The following WWOX variants were observed in gnomAD, a reference collection of about 807,000 sequenced individuals.
WWOX encodes WW domain-containing oxidoreductase.
In WWOX, 69 loss-of-function variants were observed where a neutral mutation model predicts 46.2. The observed-to-expected ratio is 1.49, with a 90% CI of 1.23 to 1.82. The LOEUF is 1.82. WWOX is among the 40% of genes most tolerant of loss of function. The pLI, the probability that WWOX is intolerant of heterozygous loss-of-function variation, is 0.00. For synonymous variants in WWOX, 359 were observed against 202.6 expected (o/e 1.77, Z -6.56); for missense variants, 919 against 542.6 (o/e 1.69, Z -6.89).
At chr16:78,925,194 TAAAAC>T (rs1332944253) in intron 8 of WWOX, among the ~76,000 whole-genome samples, 3 of 152,028 alleles carry the variant, frequency 2.0e-5, no homozygotes, top group Non-Finnish European at 4.4e-5. Context: ...AACCCTGACT[TAAAAC>T]AAAAACAAAA....
At chr16:78,747,699 G>A (rs758012125) in intron 8 of WWOX, among the ~76,000 whole-genome samples, 3 of 152,042 alleles carry the variant, frequency 2.0e-5, no homozygotes, top group Non-Finnish European at 4.4e-5. Context: ...TTGTTTCCTC[G>A]ATTACTGTCT....
At chr16:78,692,441 A>T (rs369128220) in intron 8 of WWOX, among the ~76,000 whole-genome samples, 2 of 152,306 alleles carry the variant, frequency 1.3e-5, no homozygotes, top group East Asian at 3.9e-4. Context: ...TTTACAAGGA[A>T]TTACAGAAGA....
chr16:79,122,827 A>G (rs2049666888), intron 8 of WWOX, among the ~76,000 whole-genome samples: 1 of 152,158 alleles, frequency 6.6e-6, no homozygotes, highest in South Asian at 2.1e-4. Context: ...GCTCAATGAA[A>G]TACATCTTCA....
intron 5 of WWOX, among the ~76,000 whole-genome samples, chr16:78,169,850 A>G (rs1475909709): frequency 6.6e-6 from 1 of 152,114 alleles, no homozygotes; most frequent in Non-Finnish European, 1.5e-5. Flanking sequence ...AATGTTCCTC[A>G]TGCCTGCCAG....
chr16:78,751,071 A>C (rs1323653600), intron 8 of WWOX, among the ~76,000 whole-genome samples: 1 of 152,112 alleles, frequency 6.6e-6, no homozygotes, highest in African/African-American at 2.4e-5. Flanking sequence ...TCTCCAATTT[A>C]TTTTTCATAG....
chr16:78,988,025 C>G (rs1294210086), intron 8 of WWOX, among the ~76,000 whole-genome samples: 1 of 151,868 alleles, frequency 6.6e-6, no homozygotes, highest in Admixed American at 6.6e-5. Flanking sequence ...GGGGGGTGGT[C>G]AAGGTGTAGG....
At chr16:78,853,318 T>G (rs2052493257) in intron 8 of WWOX, among the ~76,000 whole-genome samples, 2 of 152,160 alleles carry the variant, frequency 1.3e-5, no homozygotes, top group Non-Finnish European at 2.9e-5. Flanking sequence ...TCTCCTGGGT[T>G]CAAGCAATTC....
At chr16:78,184,844 G>A (rs2035645915) in intron 5 of WWOX, among the ~76,000 whole-genome samples, 1 of 152,198 alleles carries the variant, frequency 6.6e-6, no homozygotes. Context: ...GGAATTATGT[G>A]TTGGGACAGT....
chr16:78,180,345 G>A (rs1434972305), intron 5 of WWOX, among the ~76,000 whole-genome samples: 1 of 152,132 alleles, frequency 6.6e-6, no homozygotes, highest in Admixed American at 6.5e-5. Context: ...CCTGAGAGTA[G>A]GGGGCATATG....
At chr16:78,475,055 A>G (rs915592716) in intron 8 of WWOX, among the ~76,000 whole-genome samples, 6 of 152,196 alleles carry the variant, frequency 3.9e-5, no homozygotes, top group Non-Finnish European at 7.3e-5. Flanking sequence ...GGCATTCTAA[A>G]TGTGTTTGTC....
chr16:79,183,850 A>G (rs1049720357), intron 8 of WWOX, among the ~76,000 whole-genome samples: 2 of 152,176 alleles, frequency 1.3e-5, no homozygotes, highest in African/African-American at 4.8e-5. Flanking sequence ...TTATCTCTGC[A>G]TCACACTAAC....
chr16:78,629,621 G>C (rs894637458), intron 8 of WWOX, among the ~76,000 whole-genome samples: 5 of 152,146 alleles, frequency 3.3e-5, no homozygotes, highest in Non-Finnish European at 5.9e-5. Context: ...ACTTTCCCCA[G>C]AAACCTGCTA....
At chr16:78,327,122 C>T (rs1410734057) in intron 5 of WWOX, among the ~76,000 whole-genome samples, 2 of 152,144 alleles carry the variant, frequency 1.3e-5, no homozygotes, top group African/African-American at 4.8e-5. Flanking sequence ...CCCTAAGTGA[C>T]CCCACACTGA....
chr16:78,194,783 A>G (rs977267389), intron 5 of WWOX, among the ~76,000 whole-genome samples: 8 of 135,750 alleles, frequency 5.9e-5, no homozygotes, highest in African/African-American at 2.2e-4. Flanking sequence ...TGGTTTAACC[A>G]TCAACCCTCT....
At chr16:78,165,699 T>C (rs143623650) in intron 5 of WWOX, among the ~76,000 whole-genome samples, 11 of 152,274 alleles carry the variant, frequency 7.2e-5, no homozygotes, top group African/African-American at 2.6e-4. Flanking sequence ...TTTGAAGAAA[T>C]AGACTACAGT....
intron 8 of WWOX, among the ~76,000 whole-genome samples, chr16:78,923,743 A>G (rs2346817): frequency 1 from 149,526 of 149,630 alleles, 74,711 homozygotes; most frequent in Non-Finnish European, 1. Flanking sequence ...AAGGATTCAC[A>G]AGTTTCACAA....
intron 5 of WWOX, among the ~76,000 whole-genome samples, chr16:78,214,489 C>T (rs533413999): frequency 1.3e-5 from 2 of 152,320 alleles, no homozygotes; most frequent in East Asian, 3.9e-4. Context: ...CCCTGTCATC[C>T]TCCAAGTCTG....
Position 78,937,596 on chromosome 16 carries a change from T to C in WWOX, c.1057-274012T>C, listed in dbSNP as rs553030107. 4.1e-3 allele frequency among the ~76,000 whole-genome samples: 585 copies of C among 141,038 alleles called. 8 individuals carry two copies. The highest frequency in any genetic ancestry group is 0.015 in the African/African-American group (560 of 37,868). The allele number at this position is 141,038 out of a possible 152,430, so 92.5% of individuals were successfully genotyped here. On this transcript the variant is annotated intron_variant, in intron 8 of 8. Coordinates refer to ENST00000566780, the MANE Select transcript of WWOX (RefSeq NM_016373.4). ...AGGCATCTGCCACCGTGCCCAGCTA[T>C]AGAGCTTTATTTATTTATTTATTTA...
At chr16:78,595,674 G>C (rs2045472380) in intron 8 of WWOX, among the ~76,000 whole-genome samples, 1 of 152,128 alleles carries the variant, frequency 6.6e-6, no homozygotes, top group Non-Finnish European at 1.5e-5. Flanking sequence ...AGTGGCCCTA[G>C]GATGGCTCCT....
Sources: gnomAD v4.1 joint callset for allele counts (sites outside exome capture counted in the v4.1 genomes callset) on GRCh38, gnomAD v4.1.1 for gene constraint, MANE v1.5 for transcripts, NCBI Gene and HGNC (gene_info 2026-07-23, HGNC 2026-07-21) for gene names.